PIGW: variants seen among roughly 807,000 people sequenced by gnomAD.
PIGW encodes glucosaminyl-phosphatidylinositol-acyltransferase PIGW.
A neutral mutation model predicts 34.0 loss-of-function variants in PIGW; 23 were observed. That is an observed-to-expected ratio of 0.68 (90% CI 0.49 to 0.96). The LOEUF is 0.96. Ranked by LOEUF, PIGW falls within the 40% of genes least tolerant of loss-of-function variation. The pLI is 0.00. For missense variants in PIGW, 574 were observed against 586.3 expected, an observed-to-expected ratio of 0.98 and a Z score of 0.22; for synonymous variants, 225 against 225.2, an observed-to-expected ratio of 1.00 and a Z score of 0.01.
Position 36,538,148 on chromosome 17 carries a change from C to T in PIGW, c.1047C>T (p.Ser349=). The change falls in exon 2 of 2, where the codon AGC becomes AGT. Residue 349 remains serine (S), a synonymous_variant. Coordinates refer to ENST00000614443, the MANE Select transcript of PIGW (RefSeq NM_001346754.2). ...VACFLLLAAI[S]LFISLYVVQV... Reference sequence around the variant, plus strand: ...GTTTTCTTTTACTGGCAGCTATTAGCCTCTTCATATCTCTTTACGTAGTTC... The same window carrying T: ...GTTTTCTTTTACTGGCAGCTATTAGTCTCTTCATATCTCTTTACGTAGTTC... The T allele has an allele frequency of 6.2e-7, 1 of 1,614,052 alleles. No homozygotes were observed. Among genetic ancestry groups the T allele is most frequent in the South Asian group, 1.1e-5 (1 of 91,084 alleles).
Position 36,537,561 on chromosome 17 carries a change from A to C in PIGW, c.460A>C (p.Arg154=). 6.2e-7 allele frequency: 1 copy of C among 1,614,072 alleles called. No homozygotes were observed. The highest frequency in any genetic ancestry group is 8.5e-7 in the Non-Finnish European group (1 of 1,180,016). The change falls in exon 2 of 2, where the codon AGA becomes CGA. Residue 154 remains arginine (R), a synonymous_variant. Transcript: ENST00000614443. The part of the protein sequence containing the change: ...ILAVDFPLFP[R]RFAKTELYGT... ...GGCTGTGGACTTCCCACTTTTTCCC[A>C]GAAGATTTGCCAAAACTGAGCTCTA...
chr17:36,538,331 T>C lies in PIGW; in HGVS notation c.1230T>C (p.Ser410=). The C allele has an allele frequency of 6.8e-6, 11 of 1,614,100 alleles. No homozygotes were observed. The highest frequency in any genetic ancestry group is 8.5e-6 in the Non-Finnish European group (10 of 1,180,024). Residue 410 remains serine, a synonymous_variant, in exon 2 of 2, where the codon TCT becomes TCC. Coordinates refer to ENST00000614443, the MANE Select transcript of PIGW (RefSeq NM_001346754.2). ...FLIKGALVPC[S]WKLIQSPVTN... is the part of the protein sequence containing the mutation. ...TTAAAGGAGCTCTAGTACCATGTTCTTGGAAACTTATCCAGTCACCTGTTA... is the reference window on the plus strand; with the variant it reads ...TTAAAGGAGCTCTAGTACCATGTTCCTGGAAACTTATCCAGTCACCTGTTA...
rs1186904905 is a variant in PIGW, at chr17:36,538,234, TTGC to T, written c.1135_1137del (p.Ala379del). 6.2e-7 allele frequency: 1 copy of T among 1,613,100 alleles called. No homozygotes were observed. The highest frequency in any genetic ancestry group is 8.5e-7 in the Non-Finnish European group (1 of 1,180,040). On this transcript the variant is annotated inframe_deletion, in exon 2 of 2. Coordinates refer to ENST00000614443, the MANE Select transcript of PIGW (RefSeq NM_001346754.2). Reference sequence around the variant, plus strand: ...AATTTAGCCTTTTGTATTTGGATAGTTGCTTCTAGCCTGATCCTTCTTAGTAGT... The same window carrying T: ...AATTTAGCCTTTTGTATTTGGATAGTTTCTAGCCTGATCCTTCTTAGTAGT...
In PIGW at chr17:36,538,296, A is replaced by G; in HGVS notation, c.1195A>G (p.Lys399Glu). The change falls in exon 2 of 2, where the codon AAA (lysine) becomes GAA (glutamate). Residue 399 changes from lysine to glutamate, a missense_variant. Lys to Glu is a moderately conservative substitution (Grantham distance 56, BLOSUM62 1). Transcript: ENST00000614443. Reference sequence around the variant, plus strand: ...GGGTGATATAATTTTGAGTTTTGCCAAATTTCTAATTAAAGGAGCTCTAGT... The same window carrying G: ...GGGTGATATAATTTTGAGTTTTGCCGAATTTCTAATTAAAGGAGCTCTAGT... Reference protein sequence around the residue: ...LLGDIILSFAKFLIKGALVPC... With the variant: ...LLGDIILSFAEFLIKGALVPC... 1.2e-6 allele frequency: 2 copies of G among 1,613,492 alleles called. No individual in the cohort carries two copies. The highest frequency in any genetic ancestry group is 1.7e-6 in the Non-Finnish European group (2 of 1,179,846).
At chr17:36,535,648 A>C (rs1042090387) in intron 1 of PIGW, 56 bp downstream of exon 1, 2 of 152,236 alleles carry the variant, frequency 1.3e-5, no homozygotes, top group African/African-American at 4.8e-5. Flanking sequence ...TAGGAAAAAG[A>C]CTTTTTATTT....
chr17:36,536,898 C>T (rs540253944), intron 1 of PIGW, among the ~76,000 whole-genome samples, 196 bp from the exon 2 acceptor site: 170 of 152,276 alleles, frequency 1.1e-3, no homozygotes, highest in Middle Eastern at 6.8e-3. Flanking sequence ...ATTAGTATGA[C>T]ATTTCTATCT....
chr17:36,537,743 C>T lies in PIGW; in HGVS notation c.642C>T (p.Ile214=), dbSNP rs775786836. ...TTTGGCCATTAGTCTTCCTAGGAAT[C>T]GGACGATTAGCCATTATAAAATCAA... ...YSVWPLVFLG[I]GRLAIIKSIG... Residue 214 remains isoleucine (I), a synonymous_variant, in exon 2 of 2, where the codon ATC becomes ATT. Coordinates refer to ENST00000614443, the MANE Select transcript of PIGW (RefSeq NM_001346754.2). The T allele has an allele frequency of 1.2e-5, 19 of 1,613,968 alleles. No homozygotes were observed. The highest frequency in any genetic ancestry group is 5.3e-5 in the African/African-American group (4 of 74,900).
Position 36,538,338 on chromosome 17 carries a change from C to T in PIGW, c.1237C>T (p.Leu413Phe). 1 of 1,614,118 alleles carries T rather than the reference C, an allele frequency of 6.2e-7. No homozygotes were observed. Among genetic ancestry groups the T allele is most frequent in the South Asian group, 1.1e-5 (1 of 91,082 alleles). Residue 413 changes from leucine (L) to phenylalanine (F), a missense_variant, in exon 2 of 2, where the codon CTT becomes TTT. Physicochemically the swap from Leu to Phe is conservative, Grantham distance 22. Transcript: ENST00000614443. ...KGALVPCSWK[L>F]IQSPVTNKKH... ...AGCTCTAGTACCATGTTCTTGGAAA[C>T]TTATCCAGTCACCTGTTACAAATAA...
chr17:36,537,941 A>G lies in PIGW; in HGVS notation c.840A>G (p.Ser280=), dbSNP rs948348209. 1.9e-6 allele frequency: 3 copies of G among 1,614,074 alleles called. No individual in the cohort carries two copies. Among genetic ancestry groups the G allele is most frequent in the Admixed American group, 1.7e-5 (1 of 60,020 alleles). The change falls in exon 2 of 2, where the codon TCA becomes TCG. Residue 280 remains serine, a synonymous_variant. Transcript: ENST00000614443. ...ACCAGCTAGCCCTTGACTTTACCTC[A>G]CTGAAGAGGTTAATATTATATGGCA... ...VLYQLALDFT[S]LKRLILYGTD... is the part of the protein sequence containing the mutation.
Position 36,538,222 on chromosome 17 carries a change from G to C in PIGW, c.1121G>C (p.Cys374Ser). The C allele has an allele frequency of 6.2e-7, 1 of 1,613,090 alleles. No homozygotes were observed. The highest frequency in any genetic ancestry group is 8.5e-7 in the Non-Finnish European group (1 of 1,180,010). The change falls in exon 2 of 2, where the codon TGT (cysteine) becomes TCT (serine). Residue 374 changes from cysteine to serine, a missense_variant. Transcript: ENST00000614443. Reference sequence around the variant, plus strand: ...CGAAGAATGGCAAATTTAGCCTTTTGTATTTGGATAGTTGCTTCTAGCCTG... The same window carrying C: ...CGAAGAATGGCAAATTTAGCCTTTTCTATTTGGATAGTTGCTTCTAGCCTG... ...VSRRMANLAF[C>S]IWIVASSLIL...
chr17:36,536,962 T>A, intron 1 of PIGW, 132 bp from the exon 2 acceptor site: 1 of 697,430 alleles, frequency 1.4e-6, no homozygotes, highest in Non-Finnish European at 2.4e-6. Flanking sequence ...GAATCACAAA[T>A]CCTAGGTGAA....
rs2074170228 is a variant in PIGW, at chr17:36,538,217, CT to C, written c.1120del (p.Cys374ValfsTer4). 6.2e-7 allele frequency: 1 copy of C among 1,612,964 alleles called. No homozygotes were observed. Among genetic ancestry groups the C allele is most frequent in the Non-Finnish European group, 8.5e-7 (1 of 1,179,978 alleles). On this transcript the variant is annotated frameshift_variant, in exon 2 of 2. Coordinates refer to ENST00000614443, the MANE Select transcript of PIGW (RefSeq NM_001346754.2). LOFTEE classifies it high-confidence loss of function. The part of the protein sequence containing the change: ...AVSRRMANLA[F>X]CIWIVASSLI... ...TATCTCGAAGAATGGCAAATTTAGC[CT>C]TTTGTATTTGGATAGTTGCTTCTAG... is the stretch of plus-strand genomic sequence containing the variant.
At position 36,538,563 on chromosome 17, in the gene PIGW, T is replaced by A. The variant is rs781199679; in HGVS notation, c.1462T>A (p.Cys488Ser). 1.2e-6 allele frequency: 2 copies of A among 1,613,700 alleles called. No homozygotes were observed. The highest frequency in any genetic ancestry group is 1.3e-5 in the African/African-American group (1 of 75,048). The change falls in exon 2 of 2, where the codon TGT becomes AGT. Residue 488 changes from cysteine to serine, a missense_variant. Coordinates refer to ENST00000614443, the MANE Select transcript of PIGW (RefSeq NM_001346754.2). ...FVVNLYMFSNCLIVYVLYLQD... is the reference protein window; with the variant it reads ...FVVNLYMFSNSLIVYVLYLQD... ...GGTCAATCTCTATATGTTTTCCAAC[T>A]GTTTAATTGTATATGTACTATATTT...
chr17:36,536,705 G>A (rs1487551629), intron 1 of PIGW, among the ~76,000 whole-genome samples: 1 of 151,960 alleles, frequency 6.6e-6, no homozygotes, highest in Non-Finnish European at 1.5e-5. Flanking sequence ...AGTAGAGACG[G>A]GCTTTCACCA....
At position 36,538,501 on chromosome 17, in the gene PIGW, A is replaced by G. The variant is rs998703342; in HGVS notation, c.1400A>G (p.Asp467Gly). The G allele has an allele frequency of 2.5e-6, 4 of 1,614,084 alleles. No individual in the cohort carries two copies. The highest frequency in any genetic ancestry group is 3.4e-6 in the Non-Finnish European group (4 of 1,179,954). Residue 467 changes from aspartate to glycine, a missense_variant, in exon 2 of 2, where the codon GAT (aspartate) becomes GGT (glycine). Transcript: ENST00000614443. The stretch of plus-strand genomic sequence containing the variant: ...ACTGGCCTGATCAACCTGATGGTAG[A>G]TACATTACACAGCAGTACCTTGTGG... ...ITTGLINLMVDTLHSSTLWAL... is the reference protein window; with the variant it reads ...ITTGLINLMVGTLHSSTLWAL...
rs1402615509 is a variant in PIGW at position 36,535,240 on chromosome 17, A to C, written c.-361A>C. The stretch of plus-strand genomic sequence containing the variant: ...GCGGAGTGTTGTGCGAGGCCGGCGG[A>C]CACCATTACCCTGATAGGGCCTCGC... On this transcript the variant is annotated 5_prime_UTR_variant, in exon 1 of 2. Coordinates refer to ENST00000614443, the MANE Select transcript of PIGW (RefSeq NM_001346754.2). 1 of 152,222 alleles carries C rather than the reference A, an allele frequency of 6.6e-6. No individual in the cohort carries two copies. Among genetic ancestry groups the C allele is most frequent in the Non-Finnish European group, 1.5e-5 (1 of 68,112 alleles). The allele number at this position is 152,222 out of a possible 1,614,324, so 9.4% of individuals were successfully genotyped here. A position where few individuals can be genotyped will look rare whatever the true frequency, so the allele number is the denominator to read the frequency against.
At position 36,537,775 on chromosome 17, in the gene PIGW, A is replaced by G. The variant is rs1260710602; in HGVS notation, c.674A>G (p.Tyr225Cys). Residue 225 changes from tyrosine to cysteine, a missense_variant, in exon 2 of 2, where the codon TAT becomes TGT. By Grantham distance (194) the Tyr-to-Cys change is radical. Transcript: ENST00000614443. The stretch of plus-strand genomic sequence containing the variant: ...TTAGCCATTATAAAATCAATAGGCT[A>G]TCAGGAACATTTAACAGAGTATGGA... Reference protein sequence around the residue: ...GRLAIIKSIGYQEHLTEYGVH... With the variant: ...GRLAIIKSIGCQEHLTEYGVH... 6.2e-7 allele frequency: 1 copy of G among 1,614,198 alleles called. No homozygotes were observed. The highest frequency in any genetic ancestry group is 1.1e-5 in the South Asian group (1 of 91,088).
In PIGW at chr17:36,537,170, C is replaced by T. The variant is rs760295760; in HGVS notation, c.69C>T (p.Thr23=). The T allele has an allele frequency of 2.1e-5, 34 of 1,613,914 alleles. No individual in the cohort carries two copies. Among genetic ancestry groups the T allele is most frequent in the African/African-American group, 4.0e-5 (3 of 74,912 alleles). Residue 23 remains threonine (T), a synonymous_variant, in exon 2 of 2, where the codon ACC becomes ACT. Coordinates refer to ENST00000614443, the MANE Select transcript of PIGW (RefSeq NM_001346754.2). ...NLNGTTVLEI[T]QGLCFPAFCI... ...ATGGAACCACCGTGCTGGAAATCAC[C>T]CAGGGATTGTGCTTTCCTGCATTCT... is the stretch of plus-strand genomic sequence containing the variant.
Position 36,538,832 on chromosome 17 carries a change from C to T in PIGW, c.*216C>T. 4.4e-6 allele frequency: 2 copies of T among 455,284 alleles called. No homozygotes were observed. The highest frequency in any genetic ancestry group is 3.9e-5 in the East Asian group (1 of 25,874). 28.2% of individuals were successfully genotyped at this position (455,284 alleles called of 1,614,324 possible). ...GTAGTGGTGCCATCTCAGCTCACTG[C>T]AACCTCCACCTCCCGGGTTCAAGCA... On this transcript the variant is annotated 3_prime_UTR_variant, in exon 2 of 2. Transcript: ENST00000614443.
Sources: gnomAD v4.1 joint callset for allele counts (sites outside exome capture counted in the v4.1 genomes callset) on GRCh38, gnomAD v4.1.1 for gene constraint, MANE v1.5 for transcripts, NCBI Gene and HGNC (gene_info 2026-07-23, HGNC 2026-07-21) for gene names.